The following PPP1CC variants were observed in gnomAD, a reference collection of about 807,000 sequenced individuals.
The protein encoded by PPP1CC is protein phosphatase 1 catalytic subunit gamma.
In PPP1CC, 16 loss-of-function variants were observed where a neutral mutation model predicts 38.4. The ratio of observed to expected loss-of-function variants is 0.42; its 90% CI spans 0.28 to 0.63. PPP1CC has a LOEUF of 0.63. Ranked by LOEUF, PPP1CC falls within the 30% of genes least tolerant of loss-of-function variation. PPP1CC has a pLI of 0.25. For missense variants in PPP1CC, 170 were observed against 391.3 expected (o/e 0.43, Z 4.77); for synonymous variants, 158 against 136.0 (o/e 1.16, Z -1.13).
Position 110,730,644 on chromosome 12 carries a change from C to T in PPP1CC, c.303G>A (p.Leu101=). 1 of 1,614,126 alleles carries T rather than the reference C, an allele frequency of 6.2e-7. No individual in the cohort carries two copies. The highest frequency in any genetic ancestry group is 1.1e-5 in the South Asian group (1 of 91,084). ...AGGCCAGTAAGAGGCAGATCGTCTC[C>T]AATGACTGCTTTCCCCTGTCCACAT... ...GDYVDRGKQS[L]ETICLLLAYK... Residue 101 remains leucine (L), a synonymous_variant, in exon 3 of 7, where the codon TTG becomes TTA. Coordinates refer to ENST00000335007, the MANE Select transcript of PPP1CC (RefSeq NM_002710.4).
chr12:110,730,746 T>C lies in PPP1CC; in HGVS notation c.201A>G (p.Gly67=), dbSNP rs1257060835. The stretch of plus-strand genomic sequence containing the variant: ...AAAGTCGCAGCAAATCATAGTATTG[T>C]CCATGGATGTCACCTGGAAGCAAGA... ...APLKICGDIH[G]QYYDLLRLFE... The change falls in exon 3 of 7, where the codon GGA becomes GGG. Residue 67 remains glycine (G), a synonymous_variant. Transcript: ENST00000335007. The C allele has an allele frequency of 4.4e-6, 7 of 1,606,326 alleles. No individual in the cohort carries two copies. The highest frequency in any genetic ancestry group is 1.3e-5 in the African/African-American group (1 of 74,498).
At chr12:110,729,768 G>T (rs2069851051) in intron 3 of PPP1CC, among the ~76,000 whole-genome samples, 1 of 152,110 alleles carries the variant, frequency 6.6e-6, no homozygotes, top group Admixed American at 6.6e-5. Context: ...GTAGATTAGT[G>T]GTTGCCTGGG....
chr12:110,721,386 GC>G, intron 6 of PPP1CC: 6 of 415,198 alleles, frequency 1.4e-5, no homozygotes, highest in Middle Eastern at 6.6e-4. Flanking sequence ...AAATTATTTT[GC>G]CTCTGAGTAT....
At chr12:110,726,909 T>C (rs551079280) in intron 3 of PPP1CC, among the ~76,000 whole-genome samples, 4 of 152,194 alleles carry the variant, frequency 2.6e-5, no homozygotes, top group Non-Finnish European at 5.9e-5. Context: ...CCAGTGACAG[T>C]GACTTCCTCT....
intron 3 of PPP1CC, among the ~76,000 whole-genome samples, 167 bp downstream of exon 3, chr12:110,730,362 A>AC (rs1411449872): frequency 3.9e-5 from 6 of 152,044 alleles, no homozygotes; most frequent in African/African-American, 9.7e-5. Context: ...CCGTTCCCCC[A>AC]CCCCCCTAAA....
Position 110,720,919 on chromosome 12 carries a change from AAC to A in PPP1CC, c.*155_*156del, listed in dbSNP as rs2069731414. The A allele has an allele frequency of 3.5e-6, 2 of 567,430 alleles. No individual in the cohort carries two copies. The highest frequency in any genetic ancestry group is 6.2e-6 in the Non-Finnish European group (2 of 320,304). 35.1% of individuals were successfully genotyped at this position (567,430 alleles called of 1,614,324 possible). A position where few individuals can be genotyped will look rare whatever the true frequency, so the allele number is the denominator to read the frequency against. ...TGAAGAGTCTTTCATTTGCTGTTAT[AAC>A]CAGCAAATGCCATTCACTAAATCAA... On this transcript the variant is annotated 3_prime_UTR_variant, in exon 7 of 7. Coordinates refer to ENST00000335007, the MANE Select transcript of PPP1CC (RefSeq NM_002710.4).
chr12:110,720,149 A>G lies in PPP1CC; in HGVS notation c.*927T>C, dbSNP rs1174117534. On this transcript the variant is annotated 3_prime_UTR_variant, in exon 7 of 7. Transcript: ENST00000335007. ...GCATAATCGGTCACTCGTATAGAAC[A>G]GTATTGTTTCTATAATTTGAAGCTT... 3 of 1,554,230 alleles carry G rather than the reference A, an allele frequency of 1.9e-6. No individual in the cohort carries two copies. Among genetic ancestry groups the G allele is most frequent in the South Asian group, 2.3e-5 (2 of 85,378 alleles).
In PPP1CC at chr12:110,742,847, C is replaced by G; in HGVS notation, c.-140G>C. 1 of 518,296 alleles carries G rather than the reference C, an allele frequency of 1.9e-6. No individual in the cohort carries two copies. Among genetic ancestry groups the G allele is most frequent in the South Asian group, 6.0e-5 (1 of 16,604 alleles). The allele number at this position is 518,296 out of a possible 1,614,324, so 32.1% of individuals were successfully genotyped here. A position where few individuals can be genotyped will look rare whatever the true frequency, so the allele number is the denominator to read the frequency against. On this transcript the variant is annotated 5_prime_UTR_variant, in exon 1 of 7. Transcript: ENST00000335007. ...CGCGGCGGGTCCCCCCCCTGCCACCCCGCTCCCTACTTCCTCCTTCTCTCC... is the reference window on the plus strand; with the variant it reads ...CGCGGCGGGTCCCCCCCCTGCCACCGCGCTCCCTACTTCCTCCTTCTCTCC...
intron 4 of PPP1CC, among the ~76,000 whole-genome samples, chr12:110,723,911 C>T (rs1311374958): frequency 6.6e-6 from 1 of 152,094 alleles, no homozygotes; most frequent in South Asian, 2.1e-4. Context: ...GGATCTCTGG[C>T]ACAACAAATT....
intron 1 of PPP1CC, among the ~76,000 whole-genome samples, chr12:110,735,973 G>C (rs2069939266): frequency 6.6e-6 from 1 of 152,150 alleles, no homozygotes; most frequent in South Asian, 2.1e-4. Flanking sequence ...GCTGAGGCAG[G>C]AGAATCGCTG....
At chr12:110,712,503 G>A in the PPP1CC span, among the ~76,000 whole-genome samples, 1 of 151,224 alleles carries the variant, frequency 6.6e-6, no homozygotes, top group African/African-American at 2.4e-5. Context: ...AGCCACGTGT[G>A]GTGGTGGGTG....
At position 110,720,049 on chromosome 12, in the gene PPP1CC, A is replaced by G; in HGVS notation, c.*1027T>C. ...CTGTGAGTTCTGTATAAACTGGTGGACAGTAAGTTAGTTCCTTTGTTTTAA... is the reference window on the plus strand; with the variant it reads ...CTGTGAGTTCTGTATAAACTGGTGGGCAGTAAGTTAGTTCCTTTGTTTTAA... On this transcript the variant is annotated 3_prime_UTR_variant, in exon 7 of 7. Coordinates refer to ENST00000335007, the MANE Select transcript of PPP1CC (RefSeq NM_002710.4). 3 of 1,198,520 alleles carry G rather than the reference A, an allele frequency of 2.5e-6. No individual in the cohort carries two copies. Among genetic ancestry groups the G allele is most frequent in the Non-Finnish European group, 3.5e-6 (3 of 854,148 alleles). 74.2% of individuals were successfully genotyped at this position (1,198,520 alleles called of 1,614,324 possible). A position where few individuals can be genotyped will look rare whatever the true frequency, so the allele number is the denominator to read the frequency against.
At position 110,720,018 on chromosome 12, in the gene PPP1CC, T is replaced by C. The variant is rs1159709430; in HGVS notation, c.*1058A>G. ...AACAGATCTTAGTTTAAAAAAGTCATAGGTACTGTGAGTTCTGTATAAACT... is the reference window on the plus strand; with the variant it reads ...AACAGATCTTAGTTTAAAAAAGTCACAGGTACTGTGAGTTCTGTATAAACT... On this transcript the variant is annotated 3_prime_UTR_variant, in exon 7 of 7. Coordinates refer to ENST00000335007, the MANE Select transcript of PPP1CC (RefSeq NM_002710.4). 3 of 846,992 alleles carry C rather than the reference T, an allele frequency of 3.5e-6. No individual in the cohort carries two copies. The highest frequency in any genetic ancestry group is 5.4e-6 in the Non-Finnish European group (3 of 557,390). The allele number at this position is 846,992 out of a possible 1,614,324, so 52.5% of individuals were successfully genotyped here.
In PPP1CC at chr12:110,731,810, C is replaced by T; in HGVS notation, c.147G>A (p.Gln49=). 6.2e-7 allele frequency: 1 copy of T among 1,613,496 alleles called. No individual in the cohort carries two copies. Among genetic ancestry groups the T allele is most frequent in the South Asian group, 1.1e-5 (1 of 91,056 alleles). ...CLKSREIFLS[Q]PILLELEAPL... ...GTGCTTCAAGTTCTAGTAGGATAGG[C>T]TGACTGAGAAAGATTTCACGAGACT... The change falls in exon 2 of 7, where the codon CAG becomes CAA. Residue 49 remains glutamine (Q), a synonymous_variant. Coordinates refer to ENST00000335007, the MANE Select transcript of PPP1CC (RefSeq NM_002710.4).
At chr12:110,708,975 C>A in the PPP1CC span, among the ~76,000 whole-genome samples, 1 of 151,934 alleles carries the variant, frequency 6.6e-6, no homozygotes, top group African/African-American at 2.4e-5. Context: ...TGGAGGAGCT[C>A]AACTTCAATT....
At chr12:110,719,347 G>C (rs547122630), downstream of PPP1CC, among the ~76,000 whole-genome samples, 21 of 152,112 alleles carry the variant, frequency 1.4e-4, no homozygotes, top group Non-Finnish European at 2.9e-4. Flanking sequence ...GTCCTTCAAA[G>C]AGTTCCTCGC....
In PPP1CC at chr12:110,742,663, C is replaced by T; in HGVS notation, c.45G>A (p.Arg15=). 1.2e-5 allele frequency: 17 copies of T among 1,476,200 alleles called. No homozygotes were observed. Among genetic ancestry groups the T allele is most frequent in the Non-Finnish European group, 1.5e-5 (17 of 1,106,538 alleles). 91.4% of individuals were successfully genotyped at this position (1,476,200 alleles called of 1,614,324 possible). The change falls in exon 1 of 7, where the codon CGG becomes CGA. Residue 15 remains arginine, a synonymous_variant. Coordinates refer to ENST00000335007, the MANE Select transcript of PPP1CC (RefSeq NM_002710.4). ...DKLNIDSIIQ[R]LLEVRGSKPG... ...CGCCGCCCCCCTTACCTTCCAGCAG[C>T]CGTTGGATAATGCTGTCGATGTTGA...
rs11558236 is a variant in PPP1CC, at chr12:110,720,423, A to C, written c.*653T>G. 1 of 476,780 alleles carries C rather than the reference A, an allele frequency of 2.1e-6. No homozygotes were observed. Among genetic ancestry groups the C allele is most frequent in the East Asian group, 3.4e-5 (1 of 29,556 alleles). 29.5% of individuals were successfully genotyped at this position (476,780 alleles called of 1,614,324 possible). ...ATTCAACAGAAACTTTGGCTTTAGG[A>C]AAGAGTCACAAATATTTAAAAGAAT... On this transcript the variant is annotated 3_prime_UTR_variant, in exon 7 of 7. Transcript: ENST00000335007.
Position 110,721,033 on chromosome 12 carries a change from A to G in PPP1CC, c.*43T>C, listed in dbSNP as rs1313466667. On this transcript the variant is annotated 3_prime_UTR_variant, in exon 7 of 7. Coordinates refer to ENST00000335007, the MANE Select transcript of PPP1CC (RefSeq NM_002710.4). ...ACAGTCTTAAAAATGAAGGTTATAT[A>G]CTCTATGTTACAAGTCCCGACTAGG... 6.5e-7 allele frequency: 1 copy of G among 1,543,846 alleles called. No individual in the cohort carries two copies. The highest frequency in any genetic ancestry group is 1.7e-5 in the Admixed American group (1 of 59,858).
Sources: gnomAD v4.1 joint callset for allele counts (sites outside exome capture counted in the v4.1 genomes callset) on GRCh38, gnomAD v4.1.1 for gene constraint, MANE v1.5 for transcripts, NCBI Gene and HGNC (gene_info 2026-07-23, HGNC 2026-07-21) for gene names.